Variants in LRMDA observed in about 807,000 individuals in gnomAD.
LRMDA encodes the protein leucine rich melanocyte differentiation associated.
A neutral mutation model predicts 29.8 loss-of-function variants in LRMDA; 18 were observed. The ratio of observed to expected loss-of-function variants is 0.60; its 90% CI spans 0.42 to 0.90. LRMDA has a LOEUF of 0.90. LRMDA is among the 40% of genes least tolerant of loss of function. The pLI, the probability that LRMDA is intolerant of heterozygous loss-of-function variation, is 0.00. For missense variants in LRMDA, 273 were observed against 273.9 expected, an observed-to-expected ratio of 1.00 and a Z score of 0.02; for synonymous variants, 125 against 109.4, an observed-to-expected ratio of 1.14 and a Z score of -0.89.
chr10:76,456,239 C>T (rs916743578), intron 6 of LRMDA, among the ~76,000 whole-genome samples: 5 of 152,130 alleles, frequency 3.3e-5, no homozygotes, highest in African/African-American at 1.2e-4. Context: ...AGATGGTTTT[C>T]CCACTATTTT....
At chr10:76,135,848 G>T (rs1393074677) in intron 5 of LRMDA, among the ~76,000 whole-genome samples, 1 of 151,162 alleles carries the variant, frequency 6.6e-6, no homozygotes, top group African/African-American at 2.4e-5. Context: ...TTGATCATCT[G>T]CAAAGGCCCT....
At chr10:76,471,770 C>G (rs1466559997) in intron 6 of LRMDA, among the ~76,000 whole-genome samples, 1 of 151,494 alleles carries the variant, frequency 6.6e-6, no homozygotes, top group Admixed American at 6.6e-5. Flanking sequence ...ATTGGAGTGG[C>G]TATACGAATA....
At chr10:75,972,736 G>A (rs912196823) in intron 2 of LRMDA, among the ~76,000 whole-genome samples, 14 of 152,150 alleles carry the variant, frequency 9.2e-5, no homozygotes, top group African/African-American at 3.4e-4. Flanking sequence ...GAGGCCTGCA[G>A]CAGTGTGCGT....
At chr10:75,531,798 G>A (rs1845480533) in intron 2 of LRMDA, among the ~76,000 whole-genome samples, 1 of 152,124 alleles carries the variant, frequency 6.6e-6, no homozygotes, top group African/African-American at 2.4e-5. Context: ...GTGATGCTAG[G>A]TGCGGTGGCT....
At chr10:76,488,248 T>C (rs1842801514) in intron 6 of LRMDA, among the ~76,000 whole-genome samples, 1 of 151,846 alleles carries the variant, frequency 6.6e-6, no homozygotes, top group South Asian at 2.1e-4. Context: ...ATTTACAGCA[T>C]ACAATTGAAT....
intron 2 of LRMDA, among the ~76,000 whole-genome samples, chr10:75,697,850 T>TGTGTGTGTGTGTGTGC (rs10664076): frequency 5.9e-5 from 9 of 151,584 alleles, no homozygotes; most frequent in African/African-American, 2.2e-4. Context: ...TGTGTGTGTG[T>TGTGTGTGTGTGTGTGC]GCGTGTGTGT....
chr10:75,967,319 C>T (rs976581503), intron 2 of LRMDA, among the ~76,000 whole-genome samples: 1 of 152,142 alleles, frequency 6.6e-6, no homozygotes, highest in Admixed American at 6.5e-5. Context: ...CTTTTTCATG[C>T]TCCTTGCTCC....
At chr10:76,238,300 A>G (rs1285752054) in intron 5 of LRMDA, among the ~76,000 whole-genome samples, 1 of 152,114 alleles carries the variant, frequency 6.6e-6, no homozygotes, top group Non-Finnish European at 1.5e-5. Flanking sequence ...GACGCAGGCA[A>G]TTTGGTCCTC....
intron 6 of LRMDA, among the ~76,000 whole-genome samples, chr10:76,505,278 G>A (rs556241961): frequency 6.6e-6 from 1 of 151,892 alleles, no homozygotes; most frequent in South Asian, 2.1e-4. Flanking sequence ...TGGTAACTAT[G>A]TTCCTTGGGG....
chr10:75,486,974 T>A (rs1452110904), intron 2 of LRMDA, among the ~76,000 whole-genome samples: 1 of 152,174 alleles, frequency 6.6e-6, no homozygotes, highest in Non-Finnish European at 1.5e-5. Context: ...TTAGCTCAGT[T>A]TTTGAACATT....
chr10:75,476,995 C>CTT (rs1180465099), intron 2 of LRMDA, among the ~76,000 whole-genome samples: 2 of 145,246 alleles, frequency 1.4e-5, no homozygotes. Flanking sequence ...TTCTCTCTCT[C>CTT]TTTTTTTTTT....
At chr10:76,545,331 G>GA (rs146455545) in intron 6 of LRMDA, among the ~76,000 whole-genome samples, 1,789 of 152,014 alleles carry the variant, frequency 0.012, 15 homozygotes, top group Non-Finnish European at 0.02. Flanking sequence ...AATAGGAACA[G>GA]ATCTGAAGCC....
chr10:75,819,338 A>G (rs1397596944), intron 2 of LRMDA, among the ~76,000 whole-genome samples: 1 of 152,150 alleles, frequency 6.6e-6, no homozygotes, highest in Non-Finnish European at 1.5e-5. Flanking sequence ...AGAATTTGCT[A>G]TTGGTGGTTG....
chr10:75,654,210 C>T (rs1013595986), intron 2 of LRMDA, among the ~76,000 whole-genome samples: 3 of 152,124 alleles, frequency 2.0e-5, no homozygotes, highest in African/African-American at 7.2e-5. Context: ...TTGAAAGGTC[C>T]AGTTCTTGGC....
intron 6 of LRMDA, among the ~76,000 whole-genome samples, chr10:76,464,165 C>T (rs572124376): frequency 2.6e-5 from 4 of 151,972 alleles, no homozygotes; most frequent in Non-Finnish European, 2.9e-5. Context: ...GTCATCCGCC[C>T]GCCTCGGCCT....
At chr10:76,061,193 A>T (rs1300513617) in intron 5 of LRMDA, among the ~76,000 whole-genome samples, 1 of 152,236 alleles carries the variant, frequency 6.6e-6, no homozygotes, top group Non-Finnish European at 1.5e-5. Context: ...ATGCAGCCAT[A>T]CAAAAGAACG....
At chr10:76,477,173 T>C (rs1482915677) in intron 6 of LRMDA, among the ~76,000 whole-genome samples, 1 of 152,062 alleles carries the variant, frequency 6.6e-6, no homozygotes, top group Non-Finnish European at 1.5e-5. Context: ...GCCCAAAATC[T>C]CCTTAAGCTG....
intron 5 of LRMDA, among the ~76,000 whole-genome samples, chr10:76,209,512 GA>G (rs1273923933): frequency 3.3e-5 from 5 of 152,226 alleles, no homozygotes; most frequent in Admixed American, 1.3e-4. Flanking sequence ...TGGCTCCTGT[GA>G]GGGACTGGAT....
intron 6 of LRMDA, among the ~76,000 whole-genome samples, chr10:76,337,726 G>T (rs1000099942): frequency 2.0e-5 from 3 of 152,064 alleles, no homozygotes; most frequent in Non-Finnish European, 1.5e-5. Context: ...TCATGAATCA[G>T]GCAGCACTAG....
Sources: allele counts gnomAD v4.1 joint callset (sites outside exome capture counted in the v4.1 genomes callset), GRCh38; gene constraint gnomAD v4.1.1; transcripts MANE v1.5; gene names NCBI Gene and HGNC (gene_info 2026-07-23, HGNC 2026-07-21).